NOS1: variants seen among roughly 807,000 people sequenced by gnomAD.
NOS1 encodes the protein NOS type I.
Under a neutral mutation model 164.5 loss-of-function variants are expected in NOS1, and 51 were observed. That is an observed-to-expected ratio of 0.31 (90% CI 0.25 to 0.39). The LOEUF (loss-of-function observed/expected upper bound fraction) is 0.39, where lower values mean the gene tolerates loss of function less well. NOS1 is among the 10% of genes least tolerant of loss of function. NOS1 has a pLI of 1.00. For synonymous variants in NOS1, 719 were observed against 745.8 expected, an observed-to-expected ratio of 0.96 and a Z score of 0.59; for missense variants, 1,362 against 1,885.6, an observed-to-expected ratio of 0.72 and a Z score of 5.14.
chr12:117,213,797 G>A lies in NOS1; in HGVS notation c.*1512C>T. The A allele has an allele frequency of 1.0e-6, 1 of 985,368 alleles. No homozygotes were observed. The highest frequency in any genetic ancestry group is 4.7e-5 in the South Asian group (1 of 21,288). The allele number at this position is 985,368 out of a possible 1,614,324, so 61.0% of individuals were successfully genotyped here. ...GTCTGGGAGGCCACTAGGATTTCTT[G>A]TCTCTTTCTGGGAACTGCCTGACAC... On this transcript the variant is annotated 3_prime_UTR_variant, in exon 29 of 29. Coordinates refer to ENST00000317775, the MANE Select transcript of NOS1 (RefSeq NM_000620.5).
intron 1 of NOS1, among the ~76,000 whole-genome samples, chr12:117,337,950 C>G (rs1875916397): frequency 6.6e-6 from 1 of 152,110 alleles, no homozygotes; most frequent in African/African-American, 2.4e-5. Context: ...CGCGGTGGCT[C>G]ACACCTGTAA....
At chr12:117,240,565 T>C (rs960733636) in intron 20 of NOS1, among the ~76,000 whole-genome samples, 2 of 152,256 alleles carry the variant, frequency 1.3e-5, no homozygotes, top group African/African-American at 4.8e-5. Flanking sequence ...CGGTGTGACC[T>C]TGAGAAAGTC....
intron 4 of NOS1, among the ~76,000 whole-genome samples, chr12:117,288,647 A>G (rs774871800): frequency 3.3e-5 from 5 of 152,144 alleles, no homozygotes; most frequent in Non-Finnish European, 5.9e-5. Context: ...GTGGCTTTAC[A>G]ACAATTCTCC....
At chr12:117,306,353 T>G (rs1221473993) in intron 3 of NOS1, among the ~76,000 whole-genome samples, 2 of 152,192 alleles carry the variant, frequency 1.3e-5, no homozygotes, top group Non-Finnish European at 2.9e-5. Flanking sequence ...TCTCCATATA[T>G]CTTCCTGTCC....
rs1439649998 is a variant in NOS1, at chr12:117,253,867, G to C, written c.2532-113C>G. The C allele has an allele frequency of 5.6e-6, 4 of 718,448 alleles. No individual in the cohort carries two copies. The African/African-American group carries it at 7.1e-5, about 13-fold the overall frequency. The allele number at this position is 718,448 out of a possible 1,614,324, so 44.5% of individuals were successfully genotyped here. ...CTGATTCTAGGGCCTTCTCTTGTATGTTGAGTCAAACCATAACACTCCCAT... is the reference window on the plus strand; with the variant it reads ...CTGATTCTAGGGCCTTCTCTTGTATCTTGAGTCAAACCATAACACTCCCAT... On this transcript the variant is annotated intron_variant, in intron 16 of 28. Transcript: ENST00000317775.
intron 25 of NOS1, among the ~76,000 whole-genome samples, chr12:117,224,520 C>T (rs1331226763): frequency 4.6e-5 from 7 of 152,040 alleles, no homozygotes; most frequent in East Asian, 1.9e-4. Context: ...CTCCTGACCT[C>T]GTGATCCGCT....
chr12:117,338,892 C>T (rs1228097114), intron 1 of NOS1, among the ~76,000 whole-genome samples: 2 of 152,122 alleles, frequency 1.3e-5, no homozygotes, highest in African/African-American at 4.8e-5. Context: ...GGAGTTTCAG[C>T]CCTGTTTCCC....
At chr12:117,217,947 T>C (rs1956637217) in intron 28 of NOS1, 99 bp downstream of exon 28, 2 of 858,486 alleles carry the variant, frequency 2.3e-6, no homozygotes, top group African/African-American at 1.7e-5. Context: ...ATGCTGCTGT[T>C]TTGGGGACCC....
At chr12:117,227,382 C>A (rs569386597) in intron 23 of NOS1, 49 bp downstream of exon 23, 1 of 1,586,548 alleles carries the variant, frequency 6.3e-7, no homozygotes, top group Non-Finnish European at 8.6e-7. Flanking sequence ...TCCAGAGGCC[C>A]CTTGGGGGAA....
intron 9 of NOS1, among the ~76,000 whole-genome samples, chr12:117,275,882 A>T (rs1873138003): frequency 6.6e-6 from 1 of 152,042 alleles, no homozygotes; most frequent in East Asian, 1.9e-4. Context: ...GATTTTATTC[A>T]TTCCCAGGTT....
At chr12:117,353,666 A>G (rs59223714) in intron 1 of NOS1, among the ~76,000 whole-genome samples, 2,857 of 152,304 alleles carry the variant, frequency 0.019, 93 homozygotes, top group African/African-American at 0.065. Flanking sequence ...TTTTAGCATC[A>G]TGTAGGCTGG....
At chr12:117,271,822 C>T (rs1409416660) in intron 10 of NOS1, among the ~76,000 whole-genome samples, 2 of 152,204 alleles carry the variant, frequency 1.3e-5, no homozygotes, top group South Asian at 2.1e-4. Flanking sequence ...TTAGTAGATA[C>T]GGATGACTCA....
chr12:117,302,858 G>A (rs3782205), intron 3 of NOS1, among the ~76,000 whole-genome samples: 2 of 151,648 alleles, frequency 1.3e-5, no homozygotes, highest in South Asian at 2.1e-4. Flanking sequence ...CAATTCCCCC[G>A]CCTCAGCCTC....
intron 2 of NOS1, among the ~76,000 whole-genome samples, chr12:117,324,258 G>C (rs1183057495): frequency 6.6e-6 from 1 of 152,118 alleles, no homozygotes; most frequent in East Asian, 1.9e-4. Context: ...CTCGGAAGAG[G>C]TTGACAACTA....
chr12:117,221,887 C>T (rs1270008210), intron 26 of NOS1, among the ~76,000 whole-genome samples: 1 of 145,804 alleles, frequency 6.9e-6, no homozygotes, highest in Non-Finnish European at 1.5e-5. Flanking sequence ...CTTGAACTTC[C>T]AGACTCAAGT....
chr12:117,355,960 C>T lies in NOS1; in HGVS notation c.-421+5552G>A, dbSNP rs115042327. On this transcript the variant is annotated intron_variant, in intron 1 of 28. Transcript: ENST00000317775. ...TAGAGATGGAGTCTCACTCTGTTTC[C>T]CAGGCTGGGCTCAAACGCTGAGCTC... Among the ~76,000 whole-genome samples, 787 of 152,256 alleles carry T rather than the reference C, an allele frequency of 5.2e-3. 9 individuals are homozygous for T. Among genetic ancestry groups the T allele is most frequent in the African/African-American group, 0.018 (749 of 41,550 alleles).
intron 8 of NOS1, among the ~76,000 whole-genome samples, chr12:117,278,955 AAT>A (rs1399037476): frequency 4.7e-5 from 7 of 150,520 alleles, no homozygotes; most frequent in Non-Finnish European, 7.4e-5. Context: ...ATAAATTATC[AAT>A]ATGAGTGTAT....
intron 2 of NOS1, among the ~76,000 whole-genome samples, chr12:117,328,691 A>C (rs1163876965): frequency 6.6e-6 from 1 of 152,194 alleles, no homozygotes; most frequent in Non-Finnish European, 1.5e-5. Context: ...CAGCCGCCTG[A>C]GTAGCTGCGA....
chr12:117,333,075 G>A (rs1357437243), intron 1 of NOS1, among the ~76,000 whole-genome samples: 2 of 152,178 alleles, frequency 1.3e-5, no homozygotes, highest in African/African-American at 2.4e-5. Flanking sequence ...CCACGGGGCC[G>A]TGTACATGCA....
Sources: allele counts gnomAD v4.1 joint callset (sites outside exome capture counted in the v4.1 genomes callset), GRCh38; gene constraint gnomAD v4.1.1; transcripts MANE v1.5; gene names NCBI Gene and HGNC (gene_info 2026-07-23, HGNC 2026-07-21).